The following OTOGL variants were observed in gnomAD, a reference collection of about 807,000 sequenced individuals.
OTOGL encodes the protein otogelin-like protein.
In OTOGL, 285 loss-of-function variants were observed where a neutral mutation model predicts 318.5. The ratio of observed to expected loss-of-function variants is 0.89; its 90% CI spans 0.81 to 0.99. The LOEUF is 0.99. OTOGL is among the 50% of genes least tolerant of loss of function. The probability of loss-of-function intolerance (pLI) is 0.00; values close to 1 mark genes in which losing one functional copy is unlikely to be tolerated. For missense variants in OTOGL, 2,899 were observed against 2,845.6 expected (o/e 1.02, Z -0.43); for synonymous variants, 987 against 936.5 (o/e 1.05, Z -0.99).
intron 1 of OTOGL, among the ~76,000 whole-genome samples, chr12:80,205,109 A>G (rs575078863): frequency 2.0e-5 from 3 of 152,338 alleles, no homozygotes; most frequent in South Asian, 4.1e-4. Flanking sequence ...TAAAGTAAGT[A>G]CATAAAAATT....
intron 30 of OTOGL, 141 bp from the exon 31 acceptor site, chr12:80,313,335 C>A: frequency 1.4e-6 from 1 of 709,086 alleles, no homozygotes; most frequent in Non-Finnish European, 2.3e-6. Context: ...AATAAAGAGG[C>A]TTTAAATAAA....
At chr12:80,334,542 T>C (rs1361126938) in intron 38 of OTOGL, among the ~76,000 whole-genome samples, 1 of 151,952 alleles carries the variant, frequency 6.6e-6, no homozygotes, top group Non-Finnish European at 1.5e-5. Context: ...TGAGTACAGA[T>C]AGAGAAGTGA....
At chr12:80,227,392 G>GT (rs1445153986) in intron 7 of OTOGL, among the ~76,000 whole-genome samples, 7 of 152,032 alleles carry the variant, frequency 4.6e-5, no homozygotes, top group African/African-American at 1.7e-4. Flanking sequence ...TTTCTAAATT[G>GT]TTTTTTATTT....
chr12:80,368,119 AGT>A, intron 54 of OTOGL, 84 bp from the exon 55 acceptor site: 1 of 969,970 alleles, frequency 1.0e-6, no homozygotes, highest in Non-Finnish European at 1.5e-6. Context: ...AAGAGCTTGT[AGT>A]TATGTTTGGA....
chr12:80,271,560 A>T, intron 23 of OTOGL, 88 bp from the exon 24 acceptor site: 2 of 1,276,272 alleles, frequency 1.6e-6, no homozygotes, highest in Non-Finnish European at 2.2e-6. Context: ...ATAGGTTTAG[A>T]ATAAACCTAT....
At chr12:80,364,922 C>T (rs1332426843) in intron 52 of OTOGL, among the ~76,000 whole-genome samples, 4 of 151,986 alleles carry the variant, frequency 2.6e-5, no homozygotes, top group Non-Finnish European at 4.4e-5. Flanking sequence ...TAGTGAGATA[C>T]CACTTCACAT....
chr12:80,262,115 C>A, intron 19 of OTOGL, 22 bp downstream of exon 19: 1 of 1,594,290 alleles, frequency 6.3e-7, no homozygotes. Context: ...ATGTAAACTT[C>A]CTTTCTGCTG....
At chr12:80,229,903 T>C (rs550904301) in intron 8 of OTOGL, among the ~76,000 whole-genome samples, 1 of 151,942 alleles carries the variant, frequency 6.6e-6, no homozygotes, top group African/African-American at 2.4e-5. Context: ...CTCGAATAGA[T>C]CAGAGAGAAG....
In OTOGL at chr12:80,222,259, G is replaced by A; in HGVS notation, c.489+14G>A. ...TACACTGTATGGGTAGGTGATTGTA[G>A]GACATGATTAACTTAAAAATATTAT... On this transcript the variant is annotated intron_variant, in intron 7 of 58. Transcript: ENST00000547103. 1.3e-6 allele frequency: 2 copies of A among 1,555,046 alleles called. No individual in the cohort carries two copies. Among genetic ancestry groups the A allele is most frequent in the African/African-American group, 1.4e-5 (1 of 73,062 alleles).
intron 29 of OTOGL, among the ~76,000 whole-genome samples, chr12:80,308,000 A>G (rs1263951421): frequency 7.8e-5 from 10 of 127,912 alleles, no homozygotes; most frequent in South Asian, 2.7e-4. Context: ...GCGGCCGGGC[A>G]GAGGCGCCCC....
chr12:80,102,860 T>C (rs1425719169), intron 1 of OTOGL: 3 of 742,032 alleles, frequency 4.0e-6, no homozygotes, highest in Non-Finnish European at 7.2e-6. Flanking sequence ...TTTTTTCTCC[T>C]TTGTTTCAAG....
chr12:80,256,665 C>T (rs1434137009), intron 17 of OTOGL, among the ~76,000 whole-genome samples: 1 of 151,966 alleles, frequency 6.6e-6, no homozygotes, highest in Non-Finnish European at 1.5e-5. Context: ...CTCAAGTGAT[C>T]TAGACTTTGG....
At position 80,266,496 on chromosome 12, in the gene OTOGL, T is replaced by C. The variant is rs532294251; in HGVS notation, c.2270T>C (p.Phe757Ser). ...KGMLYHHCSS[F>S]CLHSCISLSS... ...ATGCTGTACCATCACTGTTCCTCGT[T>C]CTGCCTCCATTCCTGCATTTCTCTC... is the stretch of plus-strand genomic sequence containing the variant. Residue 757 changes from phenylalanine to serine, a missense_variant, in exon 21 of 59, where the codon TTC (phenylalanine) becomes TCC (serine). Around this residue, in one of 3 missense-constraint regions of OTOGL, gnomAD observed 2,607 missense variants for 2,524.9 expected, o/e 1.03. Transcript: ENST00000547103. 134 of 1,613,640 alleles carry C rather than the reference T, an allele frequency of 8.3e-5. 1 individual carries two copies. In the South Asian group the frequency reaches 8.6e-4, roughly 10 times the overall value.
chr12:80,157,636 C>A (rs1415961977), intron 1 of OTOGL, among the ~76,000 whole-genome samples: 1 of 152,110 alleles, frequency 6.6e-6, no homozygotes, highest in Non-Finnish European at 1.5e-5. Context: ...TTTCATTTTT[C>A]TTCATATGGA....
In OTOGL at chr12:80,359,880, T is replaced by C. The variant is rs555948329; in HGVS notation, c.6267+980T>C. ...ATAACATATTCAGTATACTATCTTA[T>C]TGAATCTTTACCAAGTCAGCACTTT... On this transcript the variant is annotated intron_variant, in intron 52 of 58. Transcript: ENST00000547103. Among the ~76,000 whole-genome samples the C allele has an allele frequency of 4.3e-4, 65 of 152,360 alleles. 2 individuals are homozygous for C. The highest frequency in any genetic ancestry group is 1.4e-3 in the African/African-American group (58 of 41,582).
At chr12:80,373,725 A>G (rs7972940) in intron 57 of OTOGL, among the ~76,000 whole-genome samples, 20,781 of 151,634 alleles carry the variant, frequency 0.14, 3,367 homozygotes, top group African/African-American at 0.39. Flanking sequence ...ATCCAATGAA[A>G]TAGGTTCTGA....
intron 4 of OTOGL, among the ~76,000 whole-genome samples, chr12:80,216,788 T>C (rs1044580897): frequency 6.6e-6 from 1 of 152,166 alleles, no homozygotes; most frequent in Non-Finnish European, 1.5e-5. Flanking sequence ...TCAAAATTCA[T>C]GCTGTTTACC....
chr12:80,151,507 T>A (rs1281664124), intron 1 of OTOGL, among the ~76,000 whole-genome samples: 1 of 152,218 alleles, frequency 6.6e-6, no homozygotes, highest in Non-Finnish European at 1.5e-5. Context: ...CTAAAAAAAA[T>A]AAATAAAATA....
intron 43 of OTOGL, among the ~76,000 whole-genome samples, chr12:80,340,636 C>G (rs1407981298): frequency 6.6e-6 from 1 of 152,090 alleles, no homozygotes; most frequent in Non-Finnish European, 1.5e-5. Flanking sequence ...GGGCTCATGC[C>G]CTAAATTCCT....
Sources: gnomAD v4.1 joint callset for allele counts (sites outside exome capture counted in the v4.1 genomes callset) on GRCh38, gnomAD v4.1.1 for gene constraint, gnomAD v4.1.1 regional missense constraint, MANE v1.5 for transcripts, NCBI Gene and HGNC (gene_info 2026-07-23, HGNC 2026-07-21) for gene names.